The following SCN8A variants were observed in gnomAD, a reference collection of about 807,000 sequenced individuals.
SCN8A encodes the protein sodium channel protein type 8 subunit alpha.
Under a neutral mutation model 184.1 loss-of-function variants are expected in SCN8A, and 30 were observed. That is an observed-to-expected ratio of 0.16 (90% CI 0.12 to 0.22). The LOEUF (loss-of-function observed/expected upper bound fraction) is 0.22. Ranked by LOEUF, SCN8A falls within the 10% of genes least tolerant of loss-of-function variation. The pLI, the probability that SCN8A is intolerant of heterozygous loss-of-function variation, is 1.00. For synonymous variants in SCN8A, 852 were observed against 907.0 expected, an observed-to-expected ratio of 0.94 and a Z score of 1.09; for missense variants, 1,057 against 2,498.9, an observed-to-expected ratio of 0.42 and a Z score of 12.30.
Position 51,766,535 on chromosome 12 carries a change from A to G in SCN8A, c.2901+508A>G, listed in dbSNP as rs1249828497. On this transcript the variant is annotated intron_variant, in intron 16 of 26. Transcript: ENST00000627620. ...CTGTGACAACCAAAAATGTCTGCAG[A>G]CATTGCCAGATGTCCCTGGGGGGCA... Among the ~76,000 whole-genome samples the G allele has an allele frequency of 5.3e-5, 8 of 152,202 alleles. No individual in the cohort carries two copies. In the South Asian group the frequency reaches 1.2e-3, roughly 24 times the overall value.
chr12:51,719,942 A>G (rs879914292), intron 11 of SCN8A, among the ~76,000 whole-genome samples: 3,251 of 100,818 alleles, frequency 0.032, no homozygotes, highest in South Asian at 0.041. Context: ...CGGGCGTGGT[A>G]GCGGGCGCCT....
intron 20 of SCN8A, 75 bp from the exon 21 acceptor site, chr12:51,780,561 CTTTCTTTTTTTTT>C (rs1937870398): frequency 2.2e-6 from 1 of 457,854 alleles, no homozygotes; most frequent in Non-Finnish European, 2.6e-6. Context: ...CCTCTGTTTT[CTTTCTTTTTTTTT>C]TTTTTTTTTT....
chr12:51,801,713 A>C (rs2138933226), intron 26 of SCN8A, among the ~76,000 whole-genome samples: 3 of 152,304 alleles, frequency 2.0e-5, no homozygotes, highest in Admixed American at 2.0e-4. Flanking sequence ...TGCAACCTTA[A>C]TATCCATTCC....
intron 1 of SCN8A, among the ~76,000 whole-genome samples, chr12:51,592,541 A>C (rs1250172285): frequency 6.6e-6 from 1 of 152,106 alleles, no homozygotes; most frequent in Non-Finnish European, 1.5e-5. Context: ...ATCAGCGTTC[A>C]TAATAAATGG....
chr12:51,674,382 G>A (rs1393679457), intron 2 of SCN8A, among the ~76,000 whole-genome samples: 2 of 151,874 alleles, frequency 1.3e-5, no homozygotes, highest in Admixed American at 6.5e-5. Context: ...ACCCAGGCTG[G>A]AGTGCAGTGG....
intron 19 of SCN8A, among the ~76,000 whole-genome samples, chr12:51,773,288 G>A (rs1942957720): frequency 6.6e-6 from 1 of 152,162 alleles, no homozygotes; most frequent in South Asian, 2.1e-4. Flanking sequence ...CTATGCTTTA[G>A]CAATTCCCTC....
At chr12:51,709,682 T>C (rs917316030) in intron 11 of SCN8A, among the ~76,000 whole-genome samples, 8 of 151,990 alleles carry the variant, frequency 5.3e-5, no homozygotes, top group African/African-American at 1.9e-4. Context: ...CCCAGCTTCT[T>C]TAAAGAGTGT....
intron 11 of SCN8A, among the ~76,000 whole-genome samples, chr12:51,711,606 G>A (rs1449713319): frequency 1.3e-5 from 2 of 151,968 alleles, no homozygotes; most frequent in African/African-American, 2.4e-5. Context: ...TCCTGCACAC[G>A]TACATGATCA....
intron 12 of SCN8A, among the ~76,000 whole-genome samples, chr12:51,737,280 C>G (rs1942342386): frequency 6.6e-6 from 1 of 152,214 alleles, no homozygotes; most frequent in African/African-American, 2.4e-5. Flanking sequence ...AGCCACTCTA[C>G]TAAGTCCTGT....
At chr12:51,770,052 G>A (rs1005610356) in intron 18 of SCN8A, 67 bp downstream of exon 18, 1 of 1,123,642 alleles carries the variant, frequency 8.9e-7, no homozygotes. Context: ...GTTGTGCCAG[G>A]GCTAGTGGTG....
chr12:51,769,379 A>C, intron 17 of SCN8A, 44 bp downstream of exon 17: 1 of 1,410,848 alleles, frequency 7.1e-7, no homozygotes, highest in Non-Finnish European at 9.7e-7. Context: ...GTGTGAGAGC[A>C]AACAGGGTGC....
At chr12:51,614,295 A>T (rs1939785277) in intron 1 of SCN8A, among the ~76,000 whole-genome samples, 1 of 152,026 alleles carries the variant, frequency 6.6e-6, no homozygotes, top group African/African-American at 2.4e-5. Flanking sequence ...TTGGATTGTT[A>T]TGTCTTTTAG....
At chr12:51,794,885 A>G (rs755954751) in intron 26 of SCN8A, among the ~76,000 whole-genome samples, 7 of 151,464 alleles carry the variant, frequency 4.6e-5, no homozygotes, top group Non-Finnish European at 7.4e-5. Flanking sequence ...GGGAAAAAAG[A>G]AAAAAAAAGA....
Position 51,790,383 on chromosome 12 carries a change from T to C in SCN8A, c.4420-15T>C. 1 of 1,581,834 alleles carries C rather than the reference T, an allele frequency of 6.3e-7. No individual in the cohort carries two copies. Among genetic ancestry groups the C allele is most frequent in the Non-Finnish European group, 8.6e-7 (1 of 1,156,074 alleles). On this transcript the variant is annotated splice_polypyrimidine_tract_variant and intron_variant, in intron 24 of 26. Transcript: ENST00000627620. ...AGCCAGTTGTAATTGTCTGTTTTCT[T>C]CTTCCCTCCTTTACTTCGGAGGTCA...
chr12:51,765,500 C>T (rs1316666004), intron 15 of SCN8A, among the ~76,000 whole-genome samples, 171 bp from the exon 16 acceptor site: 1 of 152,174 alleles, frequency 6.6e-6, no homozygotes, highest in African/African-American at 2.4e-5. Context: ...ATTTATGTCT[C>T]AGTTTCTCCC....
At chr12:51,710,263 G>A (rs529686176) in intron 11 of SCN8A, among the ~76,000 whole-genome samples, 44 of 152,136 alleles carry the variant, frequency 2.9e-4, no homozygotes, top group African/African-American at 1.0e-3. Context: ...TCCAGTCTCT[G>A]TGCCCCATCA....
chr12:51,689,269 C>CT, intron 6 of SCN8A, 173 bp downstream of exon 6: 2 of 606,392 alleles, frequency 3.3e-6, no homozygotes, highest in Admixed American at 2.9e-5. Flanking sequence ...GCAGTTTTCT[C>CT]TGAGTGCTTG....
intron 1 of SCN8A, among the ~76,000 whole-genome samples, chr12:51,645,670 C>T (rs1478346612): frequency 6.6e-6 from 1 of 151,930 alleles, no homozygotes; most frequent in Non-Finnish European, 1.5e-5. Flanking sequence ...CCTGTGCTCT[C>T]TGAAACATGT....
chr12:51,675,133 A>G (rs1941201460), intron 2 of SCN8A, among the ~76,000 whole-genome samples: 1 of 152,232 alleles, frequency 6.6e-6, no homozygotes, highest in Admixed American at 6.5e-5. Flanking sequence ...AAGGTGATCA[A>G]AGTCAAATTT....
Sources: allele counts gnomAD v4.1 joint callset (sites outside exome capture counted in the v4.1 genomes callset), GRCh38; gene constraint gnomAD v4.1.1; transcripts MANE v1.5; gene names NCBI Gene and HGNC (gene_info 2026-07-23, HGNC 2026-07-21).